Variants in GRIA1 observed in about 807,000 individuals in gnomAD.
GRIA1 encodes glutamate receptor 1.
Under a neutral mutation model 99.2 loss-of-function variants are expected in GRIA1, and 31 were observed. That is an observed-to-expected ratio of 0.31 (90% CI 0.23 to 0.42). The LOEUF (loss-of-function observed/expected upper bound fraction) is 0.42, where lower values mean the gene tolerates loss of function less well. Among genes scored for constraint, GRIA1 ranks in the 10% least tolerant of loss-of-function variants. GRIA1 has a pLI of 1.00. For missense variants in GRIA1, 782 were observed against 1,157.5 expected, an observed-to-expected ratio of 0.68 and a Z score of 4.71; for synonymous variants, 438 against 432.4, an observed-to-expected ratio of 1.01 and a Z score of -0.16.
At chr5:153,490,996 G>A (rs1241690443) in intron 1 of GRIA1, 26 bp downstream of exon 1, 4 of 1,599,776 alleles carry the variant, frequency 2.5e-6, no homozygotes, top group South Asian at 2.2e-5. Context: ...GCCTGGGGAG[G>A]GACTTTCTGG....
chr5:153,592,738 C>T (rs953213795), intron 2 of GRIA1, among the ~76,000 whole-genome samples: 2 of 152,124 alleles, frequency 1.3e-5, no homozygotes, highest in African/African-American at 2.4e-5. Context: ...ATAACAAATA[C>T]TATAGACTGG....
rs762165343 is a variant in GRIA1 at position 153,802,353 on chromosome 5, T to C, written c.2386-3T>C. ...CCCTTCCTTTCCCTCCTCCTCTTCTTAGGACAAGACAAGCGCTCTGAGCCT... is the reference window on the plus strand; with the variant it reads ...CCCTTCCTTTCCCTCCTCCTCTTCTCAGGACAAGACAAGCGCTCTGAGCCT... On this transcript the variant is annotated splice_polypyrimidine_tract_variant and splice_region_variant and intron_variant, in intron 14 of 15. Coordinates refer to ENST00000285900, the MANE Select transcript of GRIA1 (RefSeq NM_000827.4). The C allele has an allele frequency of 1.6e-5, 26 of 1,613,698 alleles. No individual in the cohort carries two copies. In the African/African-American group the frequency reaches 3.3e-4, roughly 21 times the overall value.
intron 2 of GRIA1, among the ~76,000 whole-genome samples, chr5:153,575,836 C>T (rs1762485151): frequency 6.6e-6 from 1 of 152,196 alleles, no homozygotes; most frequent in Non-Finnish European, 1.5e-5. Flanking sequence ...TAAGGATCAC[C>T]AGCCCACCAG....
chr5:153,539,597 G>A lies in GRIA1; in HGVS notation c.220+45532G>A, dbSNP rs368642801. Among the ~76,000 whole-genome samples, 27 of 152,280 alleles carry A rather than the reference G, an allele frequency of 1.8e-4. No homozygotes were observed. The South Asian group carries it at 5.4e-3, about 30-fold the overall frequency. ...TCAATTTGTACATATGTAGAATGAG[G>A]TTGGTTAGTTGAAATACAGAATTCC... On this transcript the variant is annotated intron_variant, in intron 2 of 15. Coordinates refer to ENST00000285900, the MANE Select transcript of GRIA1 (RefSeq NM_000827.4).
chr5:153,525,707 C>T (rs1757532634), intron 2 of GRIA1, among the ~76,000 whole-genome samples: 2 of 152,118 alleles, frequency 1.3e-5, no homozygotes, highest in East Asian at 1.9e-4. Flanking sequence ...CTCAATTTCT[C>T]CTTTCTTTAA....
chr5:153,787,529 C>CTTTTTTG (rs71577117), intron 13 of GRIA1, among the ~76,000 whole-genome samples: 3 of 151,584 alleles, frequency 2.0e-5, no homozygotes, highest in African/African-American at 7.3e-5. Flanking sequence ...ATGCCTGATT[C>CTTTTTTG]TTTTTTTGTT....
intron 2 of GRIA1, among the ~76,000 whole-genome samples, chr5:153,548,455 C>A (rs910464620): frequency 6.6e-6 from 1 of 152,138 alleles, no homozygotes; most frequent in African/African-American, 2.4e-5. Context: ...GACCCAGAGA[C>A]TAAATGTCCC....
chr5:153,600,372 A>G (rs1365459072), intron 2 of GRIA1, among the ~76,000 whole-genome samples: 2 of 139,948 alleles, frequency 1.4e-5, no homozygotes, highest in African/African-American at 5.3e-5. Context: ...AGCCTGGGCG[A>G]CAGAGCGAGA....
intron 11 of GRIA1, among the ~76,000 whole-genome samples, chr5:153,750,306 G>A (rs1376698742): frequency 6.6e-6 from 1 of 152,142 alleles, no homozygotes; most frequent in African/African-American, 2.4e-5. Context: ...CAGGCCATCT[G>A]AGCCTGTGCC....
intron 2 of GRIA1, among the ~76,000 whole-genome samples, chr5:153,539,575 A>C (rs1478767649): frequency 1.3e-5 from 2 of 152,204 alleles, no homozygotes; most frequent in Non-Finnish European, 2.9e-5. Flanking sequence ...TTGTACCTCA[A>C]TTTGTACATA....
intron 5 of GRIA1, among the ~76,000 whole-genome samples, chr5:153,658,031 G>T (rs2149467327): frequency 6.6e-6 from 1 of 152,178 alleles, no homozygotes; most frequent in South Asian, 2.1e-4. Flanking sequence ...AACCTCACTT[G>T]TTTATAGGGA....
At chr5:153,651,860 G>A (rs1754599987) in intron 4 of GRIA1, among the ~76,000 whole-genome samples, 1 of 152,178 alleles carries the variant, frequency 6.6e-6, no homozygotes, top group Admixed American at 6.6e-5. Flanking sequence ...TAAGATAATA[G>A]TTAAGAGCAG....
At chr5:153,804,941 G>A (rs934691532) in intron 15 of GRIA1, among the ~76,000 whole-genome samples, 1 of 151,908 alleles carries the variant, frequency 6.6e-6, no homozygotes, top group Non-Finnish European at 1.5e-5. Context: ...TAGCACAGAT[G>A]GGGTTTCACC....
intron 11 of GRIA1, among the ~76,000 whole-genome samples, chr5:153,750,025 G>A (rs1429303453): frequency 4.6e-5 from 7 of 152,130 alleles, no homozygotes; most frequent in African/African-American, 1.2e-4. Flanking sequence ...CTGGAACACA[G>A]TGACCGGCAG....
chr5:153,723,868 G>C (rs1003354622), intron 11 of GRIA1, among the ~76,000 whole-genome samples: 4 of 152,184 alleles, frequency 2.6e-5, no homozygotes, highest in African/African-American at 9.7e-5. Context: ...AAATGTCCCT[G>C]TCTGACAGCT....
intron 11 of GRIA1, among the ~76,000 whole-genome samples, chr5:153,710,059 C>A (rs1336501742): frequency 6.6e-6 from 1 of 152,098 alleles, no homozygotes. Flanking sequence ...CTCCACCCAC[C>A]CTTTGAAATG....
intron 12 of GRIA1, among the ~76,000 whole-genome samples, chr5:153,767,208 A>T (rs1484543639): frequency 6.6e-6 from 1 of 152,252 alleles, no homozygotes; most frequent in Non-Finnish European, 1.5e-5. Context: ...TTCTTGTGCC[A>T]GGCACTGGGT....
intron 11 of GRIA1, among the ~76,000 whole-genome samples, chr5:153,707,168 C>T (rs1165613052): frequency 6.6e-6 from 1 of 151,922 alleles, no homozygotes; most frequent in Admixed American, 6.6e-5. Context: ...CCTCAGATAT[C>T]ACATTGAAAG....
chr5:153,685,593 G>A (rs184119464), intron 7 of GRIA1, among the ~76,000 whole-genome samples: 15 of 152,320 alleles, frequency 9.8e-5, no homozygotes, highest in East Asian at 3.9e-4. Context: ...ATAAAAAAAG[G>A]GCAGAGATTT....
Sources: gnomAD v4.1 joint callset for allele counts (sites outside exome capture counted in the v4.1 genomes callset) on GRCh38, gnomAD v4.1.1 for gene constraint, MANE v1.5 for transcripts, NCBI Gene and HGNC (gene_info 2026-07-23, HGNC 2026-07-21) for gene names.